Variants in PDILT observed in about 807,000 individuals in gnomAD.
PDILT encodes the protein protein disulfide-isomerase-like protein of the testis.
Under a neutral mutation model 53.7 loss-of-function variants are expected in PDILT, and 43 were observed. The observed-to-expected ratio is 0.80, with a 90% confidence interval of 0.63 to 1.03. The LOEUF (loss-of-function observed/expected upper bound fraction) is 1.03, where lower values mean the gene tolerates loss of function less well. PDILT is among the 50% of genes least tolerant of loss of function. The pLI is 0.00. For missense variants in PDILT, 727 were observed against 712.3 expected (o/e 1.02, Z -0.24); for synonymous variants, 282 against 274.2 (o/e 1.03, Z -0.28).
intron 4 of PDILT, 57 bp from the exon 5 acceptor site, chr16:20,375,016 T>C: frequency 2.6e-6 from 4 of 1,538,014 alleles, no homozygotes; most frequent in Admixed American, 2.0e-5. Flanking sequence ...GCCTGGTTTA[T>C]ATAAGGGAAA....
intron 2 of PDILT, among the ~76,000 whole-genome samples, chr16:20,394,166 C>G (rs1240969233): frequency 6.6e-6 from 1 of 152,122 alleles, no homozygotes; most frequent in Non-Finnish European, 1.5e-5. Context: ...TGAGGGCTGT[C>G]CAGTGTCCAC....
chr16:20,379,539 T>C (rs1404995850), intron 3 of PDILT, among the ~76,000 whole-genome samples: 1 of 152,110 alleles, frequency 6.6e-6, no homozygotes, highest in Non-Finnish European at 1.5e-5. Flanking sequence ...AGTCTCGAAC[T>C]CCTGGGCTCA....
Position 20,374,936 on chromosome 16 carries a change from C to A in PDILT, c.567G>T (p.Glu189Asp). ...FFQDLEEEVA[E>D]LFYDVIKDFP... ...AGTCTTTGATCACATCATAGAACAACTCTGCTACTTCTTCCTCTAAATCCT... is the reference window on the plus strand; with the variant it reads ...AGTCTTTGATCACATCATAGAACAAATCTGCTACTTCTTCCTCTAAATCCT... The change falls in exon 5 of 12, where the codon GAG becomes GAT. Residue 189 changes from glutamate (E) to aspartate (D), a missense_variant. Physicochemically the swap from Glu to Asp is conservative, Grantham distance 45. Coordinates refer to ENST00000302451, the MANE Select transcript of PDILT (RefSeq NM_174924.2). 1.2e-6 allele frequency: 2 copies of A among 1,611,616 alleles called. No individual in the cohort carries two copies. Among genetic ancestry groups the A allele is most frequent in the Non-Finnish European group, 1.7e-6 (2 of 1,178,750 alleles).
At position 20,391,316 on chromosome 16, in the gene PDILT, C is replaced by T. The variant is rs1461484476; in HGVS notation, c.203-6465G>A. 3.3e-5 allele frequency among the ~76,000 whole-genome samples: 5 copies of T among 151,528 alleles called. No homozygotes were observed. The South Asian group carries it at 1.0e-3, about 32-fold the overall frequency. On this transcript the variant is annotated intron_variant, in intron 2 of 11. Transcript: ENST00000302451. Reference sequence around the variant, plus strand: ...ATCATCGCCATTGTCATCATCACCACTATAATTAATAATCATTACCATCAC... The same window carrying T: ...ATCATCGCCATTGTCATCATCACCATTATAATTAATAATCATTACCATCAC...
intron 2 of PDILT, among the ~76,000 whole-genome samples, chr16:20,389,710 G>T (rs931646318): frequency 6.6e-6 from 1 of 152,106 alleles, no homozygotes; most frequent in Non-Finnish European, 1.5e-5. Flanking sequence ...TAGAATTAAC[G>T]TTTGCCTGGT....
chr16:20,401,215 G>A (rs906382480), intron 1 of PDILT, among the ~76,000 whole-genome samples: 2 of 152,198 alleles, frequency 1.3e-5, no homozygotes, highest in African/African-American at 2.4e-5. Flanking sequence ...ATGATCTCAA[G>A]GTCCCAGAAT....
intron 2 of PDILT, among the ~76,000 whole-genome samples, chr16:20,396,916 AG>A (rs1200582051): frequency 2.0e-5 from 3 of 152,160 alleles, no homozygotes; most frequent in African/African-American, 7.2e-5. Flanking sequence ...CCCCTGTGAC[AG>A]GGGACTGCAT....
chr16:20,393,084 G>A (rs1388895653), intron 2 of PDILT, among the ~76,000 whole-genome samples: 2 of 152,170 alleles, frequency 1.3e-5, no homozygotes, highest in Non-Finnish European at 2.9e-5. Context: ...AGATGGTTTG[G>A]ATGTTTTATC....
Position 20,374,960 on chromosome 16 carries a change from C to A in PDILT, c.544-1G>T. On this transcript the variant is annotated splice_acceptor_variant, in intron 4 of 11. Transcript: ENST00000302451. LOFTEE classifies it high-confidence loss of function. ...ACTCTGCTACTTCTTCCTCTAAATC[C>A]TATTTGGGAAAGGATGTTTGGAAAG... 6.2e-7 allele frequency: 1 copy of A among 1,602,748 alleles called. No individual in the cohort carries two copies. The highest frequency in any genetic ancestry group is 8.5e-7 in the Non-Finnish European group (1 of 1,173,100).
At chr16:20,389,511 A>C (rs11646826) in intron 2 of PDILT, among the ~76,000 whole-genome samples, 1 of 152,182 alleles carries the variant, frequency 6.6e-6, no homozygotes, top group Non-Finnish European at 1.5e-5. Flanking sequence ...AACCCCAAAG[A>C]TCTTCCGGCT....
intron 8 of PDILT, among the ~76,000 whole-genome samples, chr16:20,366,819 C>T (rs1966197818): frequency 6.6e-6 from 1 of 152,112 alleles, no homozygotes; most frequent in Non-Finnish European, 1.5e-5. Context: ...AGAAGAGCCT[C>T]CAGATGTTCT....
rs112091468 is a variant in PDILT, at chr16:20,372,881, A to G, written c.839T>C (p.Leu280Pro). Residue 280 changes from leucine to proline, a missense_variant, in exon 7 of 12, where the codon CTG (leucine) becomes CCG (proline). Transcript: ENST00000302451. ...TGACTCGGAGCTTTTGGAGACAAACAGCAGCATGTGACTCATGATGTGCAA... is the reference window on the plus strand; with the variant it reads ...TGACTCGGAGCTTTTGGAGACAAACGGCAGCATGTGACTCATGATGTGCAA... ...SELHIMSHML[L>P]FVSKSSESYG... 1 of 1,614,080 alleles carries G rather than the reference A, an allele frequency of 6.2e-7. No individual in the cohort carries two copies. Among genetic ancestry groups the G allele is most frequent in the Non-Finnish European group, 8.5e-7 (1 of 1,179,968 alleles).
At chr16:20,382,351 T>C (rs923425108) in intron 3 of PDILT, among the ~76,000 whole-genome samples, 1 of 152,258 alleles carries the variant, frequency 6.6e-6, no homozygotes, top group African/African-American at 2.4e-5. Flanking sequence ...GTAGTCCAAA[T>C]CTGGCCTGCT....
In PDILT at chr16:20,398,242, A is replaced by G. The variant is rs1966686111; in HGVS notation, c.202+857T>C. Among the ~76,000 whole-genome samples the G allele has an allele frequency of 2.0e-5, 3 of 152,258 alleles. No individual in the cohort carries two copies. In the South Asian group the frequency reaches 6.2e-4, roughly 32 times the overall value. ...CATGGCTTGGTCCCAATGCCTCAGGAAGAAGCAGCCTGCTCTGTCCCCCAA... is the reference window on the plus strand; with the variant it reads ...CATGGCTTGGTCCCAATGCCTCAGGGAGAAGCAGCCTGCTCTGTCCCCCAA... On this transcript the variant is annotated intron_variant, in intron 2 of 11. Transcript: ENST00000302451.
chr16:20,400,072 A>ATATATATTTT lies in PDILT; in HGVS notation c.-7-766_-7-765insAAAATATATA, dbSNP rs753235349. Among the ~76,000 whole-genome samples, 6 of 137,494 alleles carry ATATATATTTT rather than the reference A, an allele frequency of 4.4e-5. No homozygotes were observed. In the East Asian group the frequency reaches 9.1e-4, roughly 21 times the overall value. The allele number at this position is 137,494 out of a possible 152,430, so 90.2% of individuals were successfully genotyped here. A position where few individuals can be genotyped will look rare whatever the true frequency, so the allele number is the denominator to read the frequency against. On this transcript the variant is annotated intron_variant, in intron 1 of 11. Transcript: ENST00000302451. ...TATCTATCTATATATATATATATAT[A>ATATATATTTT]TTTTTTGAGACGGAGTTTTGCTCTT... is the stretch of plus-strand genomic sequence containing the variant.
At chr16:20,367,084 TTTCTTTCTTTCTTTC>T (rs1376015833) in intron 8 of PDILT, among the ~76,000 whole-genome samples, 109 of 115,194 alleles carry the variant, frequency 9.5e-4, no homozygotes, top group African/African-American at 3.9e-3. Context: ...TCTTTCTTTC[TTTCTTTCTTTCTTTC>T]TTTCTTCCTT....
intron 2 of PDILT, 60 bp downstream of exon 2, chr16:20,399,039 C>A: frequency 1.3e-6 from 2 of 1,585,528 alleles, no homozygotes; most frequent in Non-Finnish European, 1.7e-6. Context: ...CTGGTCCCCA[C>A]ACACAAGGAG....
chr16:20,403,952 G>A lies in PDILT; in HGVS notation c.-8+544C>T, dbSNP rs147533953. 3.4e-3 allele frequency among the ~76,000 whole-genome samples: 512 copies of A among 152,134 alleles called. 1 individual carries two copies. The highest frequency in any genetic ancestry group is 7.1e-3 in the Admixed American group (108 of 15,270). The stretch of plus-strand genomic sequence containing the variant: ...CCACGCTCATCAGAAGGGTCTTCCC[G>A]GGCCACTCTGTCTCACCCCATCTCA... On this transcript the variant is annotated intron_variant, in intron 1 of 11. Transcript: ENST00000302451.
chr16:20,373,638 G>C (rs1264792350), intron 5 of PDILT, among the ~76,000 whole-genome samples: 2 of 152,212 alleles, frequency 1.3e-5, no homozygotes, highest in African/African-American at 4.8e-5. Context: ...TAACTAGACT[G>C]TCATAGCCTA....
Sources: gnomAD v4.1 joint callset for allele counts (sites outside exome capture counted in the v4.1 genomes callset) on GRCh38, gnomAD v4.1.1 for gene constraint, MANE v1.5 for transcripts, NCBI Gene and HGNC (gene_info 2026-07-23, HGNC 2026-07-21) for gene names.